Variants in MYO16 observed in about 807,000 individuals in gnomAD.
MYO16 encodes the protein unconventional myosin-XVI.
In MYO16, 94 loss-of-function variants were observed where a neutral mutation model predicts 205.3. The observed-to-expected ratio is 0.46, with a 90% CI of 0.39 to 0.54. The LOEUF (loss-of-function observed/expected upper bound fraction) is 0.54, where lower values mean the gene tolerates loss of function less well. MYO16 is among the 20% of genes least tolerant of loss of function. MYO16 has a pLI of 0.00. For missense variants in MYO16, 2,315 were observed against 2,387.5 expected, an observed-to-expected ratio of 0.97 and a Z score of 0.63; for synonymous variants, 988 against 954.0, an observed-to-expected ratio of 1.04 and a Z score of -0.66.
At chr13:108,852,703 A>G (rs1212268327) in intron 10 of MYO16, among the ~76,000 whole-genome samples, 1 of 152,170 alleles carries the variant, frequency 6.6e-6, no homozygotes, top group Non-Finnish European at 1.5e-5. Context: ...GTAGGAAGTT[A>G]CATGGTCTCC....
intron 15 of MYO16, among the ~76,000 whole-genome samples, chr13:108,901,426 G>A (rs562284538): frequency 7.2e-5 from 11 of 152,144 alleles, no homozygotes; most frequent in East Asian, 1.9e-4. Flanking sequence ...TTCTCAGACC[G>A]GCCGACTCTT....
At chr13:108,650,657 G>T (rs1041096657) in intron 1 of MYO16, among the ~76,000 whole-genome samples, 1 of 152,142 alleles carries the variant, frequency 6.6e-6, no homozygotes, top group Non-Finnish European at 1.5e-5. Context: ...TTGGGATATA[G>T]CCTGTTTGGG....
At chr13:108,574,804 T>C in the MYO16 span, among the ~76,000 whole-genome samples, 1 of 152,012 alleles carries the variant, frequency 6.6e-6, no homozygotes. Context: ...TTAAACACAG[T>C]TGTTAATCAC....
At chr13:108,776,477 A>C (rs1287110755) in intron 4 of MYO16, among the ~76,000 whole-genome samples, 2 of 152,174 alleles carry the variant, frequency 1.3e-5, no homozygotes, top group East Asian at 1.9e-4. Context: ...TGGCGGCTCA[A>C]GCTTTGCCAT....
chr13:108,761,633 G>A (rs1283436844), intron 4 of MYO16, among the ~76,000 whole-genome samples: 1 of 152,154 alleles, frequency 6.6e-6, no homozygotes, highest in African/African-American at 2.4e-5. Flanking sequence ...ATCCGCTTGA[G>A]TCTCATCTCA....
intron 3 of MYO16, among the ~76,000 whole-genome samples, chr13:108,716,601 G>A (rs1883953414): frequency 6.6e-6 from 1 of 152,204 alleles, no homozygotes; most frequent in Non-Finnish European, 1.5e-5. Flanking sequence ...TACTGAAAAA[G>A]GCAATGTAGC....
At position 109,098,644 on chromosome 13, in the gene MYO16, T is replaced by C. The variant is rs143099324; in HGVS notation, c.3336-2141T>C. Among the ~76,000 whole-genome samples, 868 of 152,296 alleles carry C rather than the reference T, an allele frequency of 5.7e-3. 8 individuals carry two copies. The highest frequency in any genetic ancestry group is 0.02 in the African/African-American group (828 of 41,558). On this transcript the variant is annotated intron_variant, in intron 27 of 34. Coordinates refer to ENST00000457511, the MANE Select transcript of MYO16 (RefSeq NM_001198950.3). ...CGATTTGCTGAGCATACTTCTCAGATGTAATGGTTTCGCTGGGATTCAGAA... is the reference window on the plus strand; with the variant it reads ...CGATTTGCTGAGCATACTTCTCAGACGTAATGGTTTCGCTGGGATTCAGAA...
chr13:108,775,930 A>G (rs1320493488), intron 4 of MYO16, among the ~76,000 whole-genome samples: 1 of 152,190 alleles, frequency 6.6e-6, no homozygotes, highest in East Asian at 1.9e-4. Flanking sequence ...TTTGTCCTCT[A>G]TCATGCCTTC....
rs1383949621 is a variant in MYO16 at position 109,162,223 on chromosome 13, A to G, written c.5165-2678A>G. 6.6e-6 allele frequency among the ~76,000 whole-genome samples: 1 copy of G among 152,226 alleles called. No individual in the cohort carries two copies. The highest frequency in any genetic ancestry group is 1.5e-5 in the Non-Finnish European group (1 of 68,048). On this transcript the variant is annotated intron_variant, in intron 32 of 34. Transcript: ENST00000457511. This position sits in a 1 kb window ranked among gnomAD's most constrained non-coding sequence, Gnocchi z 4.6. ...TAAATACATCAGTTGATGAGATAGA[A>G]ATCAGTTGTGAGGGAGGCCAGCCTG...
intron 1 of MYO16, among the ~76,000 whole-genome samples, chr13:108,618,929 C>T (rs1476296768): frequency 6.6e-6 from 1 of 152,074 alleles, no homozygotes; most frequent in Non-Finnish European, 1.5e-5. Context: ...GTGCAACCAC[C>T]ACGAGATCAA....
chr13:108,558,871 C>A, the MYO16 span, among the ~76,000 whole-genome samples: 2 of 152,222 alleles, frequency 1.3e-5, no homozygotes, highest in East Asian at 1.9e-4. Flanking sequence ...TTTCAAAATT[C>A]ATTTCAAAAA....
chr13:108,666,104 A>G lies in MYO16; in HGVS notation c.247A>G (p.Thr83Ala), dbSNP rs779520347. The G allele has an allele frequency of 3.0e-5, 49 of 1,613,712 alleles. No individual in the cohort carries two copies. Among genetic ancestry groups the G allele is most frequent in the East Asian group, 2.2e-5 (1 of 44,864 alleles). ...AKNPKVHFNL[T>A]DMLQDAIIHH... ...GAATCCGAAAGTTCACTTCAACCTC[A>G]CGGACATGCTACAGGACGCGATTAT... Residue 83 changes from threonine to alanine, a missense_variant, in exon 2 of 35, where the codon ACG becomes GCG. This residue lies in a region of MYO16 where 1,213 missense variants were observed against 1,274.4 expected (regional missense o/e 0.95). Coordinates refer to ENST00000457511, the MANE Select transcript of MYO16 (RefSeq NM_001198950.3).
intron 22 of MYO16, among the ~76,000 whole-genome samples, chr13:109,019,218 C>A (rs1299946554): frequency 6.6e-6 from 1 of 152,062 alleles, no homozygotes; most frequent in African/African-American, 2.4e-5. Context: ...AGCTCAATGA[C>A]CTGGCTGCGT....
Position 108,943,370 on chromosome 13 carries a change from A to T in MYO16, c.1926-14318A>T, listed in dbSNP as rs140078374. On this transcript the variant is annotated intron_variant, in intron 16 of 34. Coordinates refer to ENST00000457511, the MANE Select transcript of MYO16 (RefSeq NM_001198950.3). ...ACCCTACGACGAGTTCCTGATCTAG[A>T]TCATTATATAGATGTAGTACTTTTG... Among the ~76,000 whole-genome samples, 300 of 152,344 alleles carry T rather than the reference A, an allele frequency of 2.0e-3. No homozygotes were observed. The Middle Eastern group carries it at 0.02, about 10-fold the overall frequency.
At chr13:108,773,134 A>G (rs1406355244) in intron 4 of MYO16, among the ~76,000 whole-genome samples, 1 of 152,190 alleles carries the variant, frequency 6.6e-6, no homozygotes, top group East Asian at 1.9e-4. Context: ...TAAAGGCACC[A>G]ATCCCAATCC....
chr13:108,560,223 A>G, the MYO16 span, among the ~76,000 whole-genome samples: 1 of 152,216 alleles, frequency 6.6e-6, no homozygotes, highest in Non-Finnish European at 1.5e-5. Context: ...CTGTCTATTC[A>G]TATGATGCAG....
At chr13:108,946,033 G>T (rs1882926730) in intron 16 of MYO16, among the ~76,000 whole-genome samples, 1 of 152,072 alleles carries the variant, frequency 6.6e-6, no homozygotes, top group African/African-American at 2.4e-5. Context: ...GCCATTTTTT[G>T]AAGATAAAAT....
In MYO16 at chr13:108,811,630, C is replaced by A. The variant is rs572960361; in HGVS notation, c.867+4826C>A. On this transcript the variant is annotated intron_variant, in intron 7 of 34. Coordinates refer to ENST00000457511, the MANE Select transcript of MYO16 (RefSeq NM_001198950.3). ...TCATTTGTTCACCACAAAACTAATC[C>A]TTTGCCATTTTCCTACTTCTCTCTC... 2.0e-5 allele frequency among the ~76,000 whole-genome samples: 3 copies of A among 152,138 alleles called. No homozygotes were observed. The East Asian group carries it at 5.8e-4, about 29-fold the overall frequency.
chr13:108,906,007 C>T (rs1880955576), intron 15 of MYO16, among the ~76,000 whole-genome samples: 2 of 152,156 alleles, frequency 1.3e-5, no homozygotes, highest in South Asian at 2.1e-4. Context: ...ACTTTGTGCC[C>T]GCTGGCCTTG....
Sources: gnomAD v4.1 joint callset for allele counts (sites outside exome capture counted in the v4.1 genomes callset) on GRCh38, gnomAD v4.1.1 for gene constraint, gnomAD v4.1.1 regional missense constraint, Gnocchi (gnomAD v3.1) non-coding constraint, MANE v1.5 for transcripts, NCBI Gene and HGNC (gene_info 2026-07-23, HGNC 2026-07-21) for gene names.